Variants in SH3RF3 observed in about 807,000 individuals in gnomAD.
SH3RF3 encodes SH3 domain containing ring finger 3.
A neutral mutation model predicts 66.3 loss-of-function variants in SH3RF3; 29 were observed. That is an observed-to-expected ratio of 0.44 (90% confidence interval 0.33 to 0.60). The LOEUF is 0.60. Among genes scored for constraint, SH3RF3 ranks in the 20% least tolerant of loss-of-function variants. The probability of loss-of-function intolerance (pLI) is 0.04; values close to 1 mark genes in which losing one functional copy is unlikely to be tolerated. For synonymous variants in SH3RF3, 583 were observed against 532.0 expected, an observed-to-expected ratio of 1.10 and a Z score of -1.32; for missense variants, 1,194 against 1,190.9, an observed-to-expected ratio of 1.00 and a Z score of -0.04.
intron 1 of SH3RF3, among the ~76,000 whole-genome samples, chr2:109,314,181 C>T (rs928814524): frequency 3.9e-5 from 6 of 152,110 alleles, no homozygotes; most frequent in East Asian, 3.9e-4. Flanking sequence ...GGGAGACCAG[C>T]GGGTGGGTGT....
intron 1 of SH3RF3, among the ~76,000 whole-genome samples, chr2:109,327,280 A>G (rs1256240324): frequency 6.6e-6 from 1 of 152,188 alleles, no homozygotes; most frequent in African/African-American, 2.4e-5. Flanking sequence ...ACTTGCCAAC[A>G]CCATTGATTA....
chr2:109,451,885 G>A (rs1391541467), intron 8 of SH3RF3, among the ~76,000 whole-genome samples: 2 of 152,204 alleles, frequency 1.3e-5, no homozygotes, highest in Non-Finnish European at 2.9e-5. Flanking sequence ...ACATGCTGTG[G>A]GAGCAGTCCA....
In SH3RF3 at chr2:109,206,356, T is replaced by A. The variant is rs1678837751; in HGVS notation, c.573+76243T>A. On this transcript the variant is annotated intron_variant, in intron 1 of 9. Transcript: ENST00000309415. ...AATACCAAAAATTTGCCGGGCTTGG[T>A]GGAGGGCACCTGTAGTCCCAGCTAC... 2.6e-5 allele frequency among the ~76,000 whole-genome samples: 4 copies of A among 151,736 alleles called. No homozygotes were observed. In the South Asian group the frequency reaches 8.4e-4, roughly 32 times the overall value.
chr2:109,178,777 G>A (rs560837924), intron 1 of SH3RF3, among the ~76,000 whole-genome samples: 1 of 152,148 alleles, frequency 6.6e-6, no homozygotes, highest in East Asian at 1.9e-4. Flanking sequence ...AGATTTCGTA[G>A]GTGTCTCTGG....
In SH3RF3 at chr2:109,249,467, C is replaced by CTCTTTCTTTCTTTCTTTCTT. The variant is rs759428314; in HGVS notation, c.574-98184_574-98165dup. 2.1e-3 allele frequency among the ~76,000 whole-genome samples: 204 copies of CTCTTTCTTTCTTTCTTTCTT among 99,276 alleles called. 8 individuals carry two copies. Among genetic ancestry groups the CTCTTTCTTTCTTTCTTTCTT allele is most frequent in the Non-Finnish European group, 2.7e-3 (133 of 49,252 alleles). 65.1% of individuals were successfully genotyped at this position (99,276 alleles called of 152,430 possible). Reference sequence around the variant, plus strand: ...CAGATCTCTCTCTCTTTCTCTCTTTCTCTTTCTTTCTTTCTTTCTTTCTTT... The same window carrying CTCTTTCTTTCTTTCTTTCTT: ...CAGATCTCTCTCTCTTTCTCTCTTTCTCTTTCTTTCTTTCTTTCTTTCTTTCTTTCTTTCTTTCTTTCTTT... On this transcript the variant is annotated intron_variant, in intron 1 of 9. Transcript: ENST00000309415.
chr2:109,261,348 G>T (rs1680350487), intron 1 of SH3RF3, among the ~76,000 whole-genome samples: 1 of 152,196 alleles, frequency 6.6e-6, no homozygotes. Context: ...CACAGCAAGA[G>T]CTCTAGTTAA....
chr2:109,230,021 T>C (rs1679466967), intron 1 of SH3RF3, among the ~76,000 whole-genome samples: 1 of 151,936 alleles, frequency 6.6e-6, no homozygotes. Context: ...AGACAGGGTT[T>C]CACCATGTTA....
At chr2:109,159,710 C>T (rs1677439892) in intron 1 of SH3RF3, among the ~76,000 whole-genome samples, 1 of 152,180 alleles carries the variant, frequency 6.6e-6, no homozygotes, top group African/African-American at 2.4e-5. Context: ...TCCCATCACT[C>T]CCATTACCGC....
chr2:109,282,588 C>T (rs72822689), intron 1 of SH3RF3, among the ~76,000 whole-genome samples: 1,606 of 152,284 alleles, frequency 0.011, 5 homozygotes, highest in Non-Finnish European at 0.017. Context: ...GCCAGGAGAA[C>T]GGCGCACAGA....
rs183882789 is a variant in SH3RF3, at chr2:109,492,040, A to G, written c.2480+1104A>G. Among the ~76,000 whole-genome samples the G allele has an allele frequency of 3.9e-5, 6 of 152,260 alleles. No homozygotes were observed. The East Asian group carries it at 1.2e-3, about 29-fold the overall frequency. On this transcript the variant is annotated intron_variant, in intron 9 of 9. Coordinates refer to ENST00000309415, the MANE Select transcript of SH3RF3 (RefSeq NM_001099289.3). Reference sequence around the variant, plus strand: ...GGTTCTTCGTCAAGGGCCAGATGGTAAACACTGCAGATGTTGCAGTCCTGC... The same window carrying G: ...GGTTCTTCGTCAAGGGCCAGATGGTGAACACTGCAGATGTTGCAGTCCTGC...
At chr2:109,437,992 C>T (rs1354528205) in intron 7 of SH3RF3, among the ~76,000 whole-genome samples, 1 of 152,170 alleles carries the variant, frequency 6.6e-6, no homozygotes, top group Non-Finnish European at 1.5e-5. Context: ...ACCCTGTCCT[C>T]TCAGAAATCA....
chr2:109,375,465 C>T (rs934455795), intron 3 of SH3RF3, among the ~76,000 whole-genome samples: 1 of 152,214 alleles, frequency 6.6e-6, no homozygotes, highest in African/African-American at 2.4e-5. Flanking sequence ...GGCCTGGCCT[C>T]TCACCCTCTG....
chr2:109,482,567 G>A (rs376024692), intron 8 of SH3RF3, among the ~76,000 whole-genome samples: 1 of 152,178 alleles, frequency 6.6e-6, no homozygotes, highest in African/African-American at 2.4e-5. Flanking sequence ...CCACTCCCGC[G>A]CCCAGCCCGG....
At chr2:109,163,727 C>G (rs554417817) in intron 1 of SH3RF3, among the ~76,000 whole-genome samples, 1 of 152,150 alleles carries the variant, frequency 6.6e-6, no homozygotes, top group Non-Finnish European at 1.5e-5. Flanking sequence ...GGAGACTTCA[C>G]GATTCCACAG....
chr2:109,352,173 A>G (rs1158998646), intron 2 of SH3RF3, among the ~76,000 whole-genome samples: 1 of 152,214 alleles, frequency 6.6e-6, no homozygotes, highest in Non-Finnish European at 1.5e-5. Flanking sequence ...CCAAGCTCAA[A>G]ATAGGCATTC....
At chr2:109,437,198 G>C (rs1435268510) in intron 7 of SH3RF3, 52 bp downstream of exon 7, 24 of 1,547,374 alleles carry the variant, frequency 1.6e-5, no homozygotes, top group Non-Finnish European at 2.1e-5. Flanking sequence ...GGGCTTCCTG[G>C]GACATGCTTG....
chr2:109,271,269 C>A (rs1680617441), intron 1 of SH3RF3, among the ~76,000 whole-genome samples: 1 of 152,200 alleles, frequency 6.6e-6, no homozygotes, highest in Admixed American at 6.5e-5. Context: ...TGGCCCTGCA[C>A]CCAGGAGTCT....
chr2:109,398,926 T>C lies in SH3RF3; in HGVS notation c.1282T>C (p.Cys428Arg). 6.2e-7 allele frequency: 1 copy of C among 1,612,230 alleles called. No individual in the cohort carries two copies. Among genetic ancestry groups the C allele is most frequent in the Non-Finnish European group, 8.5e-7 (1 of 1,179,558 alleles). Reference protein sequence around the residue: ...ARIGDLAHLSCAAPTQDVSSS... With the variant: ...ARIGDLAHLSRAAPTQDVSSS... ...GATTGGAGACCTTGCTCATCTGTCG[T>C]GCGCTGCTCCCACCCAGGTAACATC... is the stretch of plus-strand genomic sequence containing the variant. Residue 428 changes from cysteine (C) to arginine (R), a missense_variant, in exon 4 of 10, where the codon TGC (cysteine) becomes CGC (arginine). Physicochemically the swap from Cys to Arg is radical, Grantham distance 180. Coordinates refer to ENST00000309415, the MANE Select transcript of SH3RF3 (RefSeq NM_001099289.3).
Position 109,501,631 on chromosome 2 carries a change from G to T in SH3RF3, c.2609G>T (p.Arg870Leu), listed in dbSNP as rs372085001. 2 of 776,570 alleles carry T rather than the reference G, an allele frequency of 2.6e-6. No individual in the cohort carries two copies. The highest frequency in any genetic ancestry group is 4.8e-6 in the Non-Finnish European group (2 of 416,246). The allele number at this position is 776,570 out of a possible 1,614,324, so 48.1% of individuals were successfully genotyped here. A position where few individuals can be genotyped will look rare whatever the true frequency, so the allele number is the denominator to read the frequency against. Residue 870 changes from arginine to leucine, a missense_variant, in exon 10 of 10, where the codon CGC (arginine) becomes CTC (leucine). Physicochemically the swap from Arg to Leu is moderately radical, Grantham distance 102. Coordinates refer to ENST00000309415, the MANE Select transcript of SH3RF3 (RefSeq NM_001099289.3). ...WYKGTLQRNG[R>L]TGLFPGSFVE... ...AAGGGGACCCTGCAGCGGAACGGCC[G>T]CACAGGCCTCTTCCCGGGCAGCTTC...
Sources: allele counts gnomAD v4.1 joint callset (sites outside exome capture counted in the v4.1 genomes callset), GRCh38; gene constraint gnomAD v4.1.1; transcripts MANE v1.5; gene names NCBI Gene and HGNC (gene_info 2026-07-23, HGNC 2026-07-21).